Variants in HKDC1 observed in about 807,000 individuals in gnomAD.
HKDC1 encodes hexokinase HKDC1.
In HKDC1, 66 loss-of-function variants were observed where a neutral mutation model predicts 96.6. The ratio of observed to expected loss-of-function variants is 0.68; its 90% CI spans 0.56 to 0.84. HKDC1 has a LOEUF of 0.84. HKDC1 is among the 40% of genes least tolerant of loss of function. The probability of loss-of-function intolerance (pLI) is 0.00; values close to 1 mark genes in which losing one functional copy is unlikely to be tolerated. For missense variants in HKDC1, 1,211 were observed against 1,208.1 expected (o/e 1.00, Z -0.04); for synonymous variants, 466 against 473.1 (o/e 0.98, Z 0.20).
intron 7 of HKDC1, among the ~76,000 whole-genome samples, chr10:69,245,570 C>CAAT (rs10646729): frequency 0.34 from 47,313 of 139,048 alleles, 8,045 homozygotes; most frequent in South Asian, 0.46. Flanking sequence ...ATCCTGTCTC[C>CAAT]AATAATAATA....
intron 5 of HKDC1, among the ~76,000 whole-genome samples, chr10:69,239,612 G>A (rs779927953): frequency 2.0e-5 from 3 of 152,144 alleles, no homozygotes; most frequent in African/African-American, 7.2e-5. Context: ...AGCAAGACTC[G>A]CTCCTTGCTG....
intron 1 of HKDC1, among the ~76,000 whole-genome samples, chr10:69,224,784 T>C (rs961339348): frequency 2.0e-5 from 3 of 152,208 alleles, no homozygotes; most frequent in Non-Finnish European, 2.9e-5. Flanking sequence ...ATTTGCTCTT[T>C]CTAAGTGAAA....
intron 10 of HKDC1, among the ~76,000 whole-genome samples, 181 bp from the exon 11 acceptor site, chr10:69,250,109 G>A (rs925552910): frequency 2.6e-5 from 4 of 152,150 alleles, no homozygotes; most frequent in African/African-American, 4.8e-5. Flanking sequence ...CTGGCCTCAC[G>A]CAGGCTCAAG....
intron 1 of HKDC1, among the ~76,000 whole-genome samples, chr10:69,225,023 C>T (rs1843130315): frequency 1.3e-5 from 2 of 152,176 alleles, no homozygotes; most frequent in Non-Finnish European, 2.9e-5. Flanking sequence ...GGTGCTGTGG[C>T]AGATACAGAA....
intron 16 of HKDC1, among the ~76,000 whole-genome samples, chr10:69,264,195 TTC>T (rs1259755839): frequency 0.025 from 2,805 of 112,358 alleles, 95 homozygotes; most frequent in African/African-American, 0.088. Flanking sequence ...ATAGATTTCC[TTC>T]TGTGTGTGTG....
rs773242941 is a variant in HKDC1, at chr10:69,248,611, G to A, written c.1453G>A (p.Val485Met). 1.5e-5 allele frequency: 25 copies of A among 1,614,002 alleles called. No homozygotes were observed. The African/African-American group carries it at 2.8e-4, about 18-fold the overall frequency. ...GTTCCAGCTGACCCGAGAGCAGCTC[G>A]TGGACGTGCAGGCCAAGATGCGGGC... ...ALFQLTREQL[V>M]DVQAKMRAEL... is the part of the protein sequence containing the mutation. The change falls in exon 10 of 18, where the codon GTG becomes ATG. Residue 485 changes from valine (V) to methionine (M), a missense_variant. Val to Met is a conservative substitution (Grantham distance 21, BLOSUM62 1). Transcript: ENST00000354624.
intron 4 of HKDC1, among the ~76,000 whole-genome samples, chr10:69,233,637 G>A (rs866273537): frequency 1.3e-5 from 2 of 149,730 alleles, no homozygotes; most frequent in African/African-American, 4.9e-5. Context: ...GGTGGCTCAC[G>A]CCTATAATCC....
At chr10:69,228,241 G>A (rs1589402433) in intron 2 of HKDC1, among the ~76,000 whole-genome samples, 1 of 152,080 alleles carries the variant, frequency 6.6e-6, no homozygotes, top group African/African-American at 2.4e-5. Flanking sequence ...CAGCAGTGTA[G>A]CCTCTTCAGG....
chr10:69,244,422 C>T (rs1387440562), intron 7 of HKDC1, among the ~76,000 whole-genome samples: 1 of 152,240 alleles, frequency 6.6e-6, no homozygotes, highest in Non-Finnish European at 1.5e-5. Context: ...ACTCCAGGCA[C>T]ATGCCTGTGC....
chr10:69,244,486 T>G (rs1589410321), intron 7 of HKDC1, among the ~76,000 whole-genome samples: 1 of 152,252 alleles, frequency 6.6e-6, no homozygotes, highest in Admixed American at 6.5e-5. Flanking sequence ...TTTTTTGAAT[T>G]TTATCATCTT....
chr10:69,243,359 A>G lies in HKDC1; in HGVS notation c.869A>G (p.Lys290Arg), dbSNP rs1843486905. The change falls in exon 7 of 18, where the codon AAG becomes AGG. Residue 290 changes from lysine (K) to arginine (R), a missense_variant. Coordinates refer to ENST00000354624, the MANE Select transcript of HKDC1 (RefSeq NM_025130.4). ...ELDLGSLNPG[K>R]QLFEKMISGL... ...GACCTCGGCTCTCTCAACCCAGGAAAGCAACTGTGAGTTCCCTTCTGGTGT... is the reference window on the plus strand; with the variant it reads ...GACCTCGGCTCTCTCAACCCAGGAAGGCAACTGTGAGTTCCCTTCTGGTGT... The G allele has an allele frequency of 6.3e-7, 1 of 1,578,598 alleles. No homozygotes were observed. Among genetic ancestry groups the G allele is most frequent in the African/African-American group, 1.4e-5 (1 of 73,990 alleles).
chr10:69,232,792 CG>C lies in HKDC1; in HGVS notation c.257del (p.Gly86GlufsTer8). 1 of 1,614,104 alleles carries C rather than the reference CG, an allele frequency of 6.2e-7. No homozygotes were observed. ...ENGEFLSLDL[G>X]GSKFRVLKVQ... is the part of the protein sequence containing the mutation. ...ATGGGGAGTTCCTTTCCCTGGATCT[CG>C]GAGGGTCCAAGTTCCGAGTGCTGAA... On this transcript the variant is annotated frameshift_variant, in exon 3 of 18. Transcript: ENST00000354624. LOFTEE classifies it high-confidence loss of function.
chr10:69,247,531 G>C lies in HKDC1; in HGVS notation c.1203G>C (p.Lys401Asn), dbSNP rs144349538. Residue 401 changes from lysine (K) to asparagine (N), a missense_variant, in exon 9 of 18, where the codon AAG becomes AAC. Lys to Asn is a moderately conservative substitution (Grantham distance 94). Coordinates refer to ENST00000354624, the MANE Select transcript of HKDC1 (RefSeq NM_025130.4). ...TCCTGACACGCCTCCGGGAGAACAAGAAGGTGGAACGGCTCCGGACCACAG... is the reference window on the plus strand; with the variant it reads ...TCCTGACACGCCTCCGGGAGAACAACAAGGTGGAACGGCTCCGGACCACAG... ...AAILTRLREN[K>N]KVERLRTTVG... The C allele has an allele frequency of 1.4e-4, 227 of 1,614,044 alleles. No homozygotes were observed. The highest frequency in any genetic ancestry group is 1.7e-4 in the Admixed American group (10 of 59,998).
chr10:69,226,213 T>C (rs1246268106), intron 1 of HKDC1, among the ~76,000 whole-genome samples: 1 of 152,230 alleles, frequency 6.6e-6, no homozygotes, highest in African/African-American at 2.4e-5. Context: ...TAGTGATTTG[T>C]ATAACTTCCC....
chr10:69,264,118 C>G (rs1474658785), intron 16 of HKDC1, among the ~76,000 whole-genome samples: 1 of 151,978 alleles, frequency 6.6e-6, no homozygotes, highest in African/African-American at 2.4e-5. Flanking sequence ...GCACTCCAAC[C>G]TGGGCAACAA....
At chr10:69,250,159 C>T in intron 10 of HKDC1, 131 bp from the exon 11 acceptor site, 1 of 1,036,064 alleles carries the variant, frequency 9.7e-7, no homozygotes, top group Non-Finnish European at 1.4e-6. Flanking sequence ...GGGTGGCCCC[C>T]ACGACCCTCT....
chr10:69,259,374 A>C (rs1843772493), intron 15 of HKDC1, among the ~76,000 whole-genome samples: 2 of 152,346 alleles, frequency 1.3e-5, no homozygotes, highest in Admixed American at 1.3e-4. Context: ...GATGGATGAG[A>C]GTGCTGGTTC....
intron 1 of HKDC1, among the ~76,000 whole-genome samples, chr10:69,225,057 G>C (rs1843130736): frequency 6.6e-6 from 1 of 152,220 alleles, no homozygotes; most frequent in African/African-American, 2.4e-5. Flanking sequence ...CTGTTGCTGA[G>C]TTGACATTCT....
chr10:69,249,190 A>G (rs1489191575), intron 10 of HKDC1, among the ~76,000 whole-genome samples: 1 of 152,216 alleles, frequency 6.6e-6, no homozygotes, highest in African/African-American at 2.4e-5. Flanking sequence ...CTCGGTGCTC[A>G]GCCAAAAGAA....
Sources: gnomAD v4.1 joint callset for allele counts (sites outside exome capture counted in the v4.1 genomes callset) on GRCh38, gnomAD v4.1.1 for gene constraint, MANE v1.5 for transcripts, NCBI Gene and HGNC (gene_info 2026-07-23, HGNC 2026-07-21) for gene names.